CCSER1: variants seen among roughly 807,000 people sequenced by gnomAD.
The protein encoded by CCSER1 is coiled-coil serine rich protein 1.
A neutral mutation model predicts 82.0 loss-of-function variants in CCSER1; 41 were observed. The ratio of observed to expected loss-of-function variants is 0.50; its 90% CI spans 0.39 to 0.65. The LOEUF is 0.65. Among genes scored for constraint, CCSER1 ranks in the 30% least tolerant of loss-of-function variants. The probability of loss-of-function intolerance (pLI) is 0.00; values close to 1 mark genes in which losing one functional copy is unlikely to be tolerated. For synonymous variants in CCSER1, 414 were observed against 383.9 expected, an observed-to-expected ratio of 1.08 and a Z score of -0.92; for missense variants, 1,119 against 1,064.2, an observed-to-expected ratio of 1.05 and a Z score of -0.72.
chr4:91,092,526 C>T (rs775856208), intron 10 of CCSER1, among the ~76,000 whole-genome samples: 4 of 152,198 alleles, frequency 2.6e-5, no homozygotes, highest in South Asian at 4.1e-4. Context: ...ATTGTGCTGT[C>T]GACAGGTAAC....
chr4:90,447,675 A>T (rs1760843736), intron 4 of CCSER1, among the ~76,000 whole-genome samples: 4 of 152,214 alleles, frequency 2.6e-5, no homozygotes, highest in Admixed American at 6.5e-5. Flanking sequence ...TGTTGTGTGT[A>T]ATAAGCATCA....
chr4:90,924,469 CTA>C (rs1157890900), intron 9 of CCSER1, among the ~76,000 whole-genome samples: 3 of 151,610 alleles, frequency 2.0e-5, no homozygotes, highest in African/African-American at 7.3e-5. Flanking sequence ...AAAAACAACA[CTA>C]AAAAATATGA....
intron 1 of CCSER1, among the ~76,000 whole-genome samples, chr4:90,199,676 G>C (rs1327560617): frequency 1.3e-5 from 2 of 151,982 alleles, no homozygotes; most frequent in East Asian, 3.9e-4. Context: ...TAATTAATCT[G>C]GTATAATCCT....
At chr4:90,154,527 C>G (rs2153355354) in intron 1 of CCSER1, among the ~76,000 whole-genome samples, 1 of 150,782 alleles carries the variant, frequency 6.6e-6, no homozygotes, top group Non-Finnish European at 1.5e-5. Context: ...AATGTTCTTC[C>G]ATTTGTTTGT....
chr4:90,665,463 A>C (rs1731583753), intron 6 of CCSER1, among the ~76,000 whole-genome samples: 2 of 151,910 alleles, frequency 1.3e-5, no homozygotes, highest in Non-Finnish European at 2.9e-5. Flanking sequence ...CTGGGACTAC[A>C]GGCACCCGCC....
At chr4:90,327,023 A>G (rs1354114255) in intron 3 of CCSER1, among the ~76,000 whole-genome samples, 1 of 152,220 alleles carries the variant, frequency 6.6e-6, no homozygotes, top group Non-Finnish European at 1.5e-5. Context: ...CAGTATATAG[A>G]TAAACTGCCC....
chr4:91,163,236 T>G lies in CCSER1; in HGVS notation c.2217+77242T>G, dbSNP rs565899078. 5.3e-5 allele frequency among the ~76,000 whole-genome samples: 8 copies of G among 152,252 alleles called. No individual in the cohort carries two copies. The South Asian group carries it at 1.5e-3, about 28-fold the overall frequency. ...ATTGTTCAGTTTCCATGTACTTGAGTGGTTTTGAGTGAGTTTCTTAATCCT... is the reference window on the plus strand; with the variant it reads ...ATTGTTCAGTTTCCATGTACTTGAGGGGTTTTGAGTGAGTTTCTTAATCCT... On this transcript the variant is annotated intron_variant, in intron 10 of 10. Transcript: ENST00000509176.
At chr4:90,234,005 T>C (rs1745243693) in intron 1 of CCSER1, among the ~76,000 whole-genome samples, 2 of 152,168 alleles carry the variant, frequency 1.3e-5, no homozygotes, top group African/African-American at 4.8e-5. Context: ...CTTTTAAAAA[T>C]AAACATTTAA....
intron 1 of CCSER1, among the ~76,000 whole-genome samples, chr4:90,260,200 T>C (rs1724070029): frequency 6.6e-6 from 1 of 152,192 alleles, no homozygotes; most frequent in Non-Finnish European, 1.5e-5. Context: ...AAGAGGGTTG[T>C]ATATTTCTAA....
chr4:91,317,664 CTCATAACTGAAGT>C (rs1462568087), intron 10 of CCSER1, among the ~76,000 whole-genome samples: 2 of 151,648 alleles, frequency 1.3e-5, no homozygotes, highest in Non-Finnish European at 2.9e-5. Context: ...CTTACTGAAG[CTCATAACTGAAGT>C]GAACTTTATA....
intron 3 of CCSER1, among the ~76,000 whole-genome samples, chr4:90,397,365 T>C (rs1475396034): frequency 2.6e-5 from 4 of 152,222 alleles, no homozygotes; most frequent in Admixed American, 1.3e-4. Context: ...GAGATTTTAA[T>C]ATTTCCCTGT....
chr4:90,801,725 G>A (rs572872878), intron 7 of CCSER1, among the ~76,000 whole-genome samples: 16 of 151,978 alleles, frequency 1.1e-4, no homozygotes, highest in African/African-American at 3.9e-4. Flanking sequence ...CTTTGATCAT[G>A]GATATATTTT....
chr4:90,341,303 T>C (rs1741339412), intron 3 of CCSER1, among the ~76,000 whole-genome samples: 1 of 152,080 alleles, frequency 6.6e-6, no homozygotes, highest in African/African-American at 2.4e-5. Context: ...TATTATCTTC[T>C]TCCTAGATGA....
chr4:90,655,539 C>CA (rs1729550606), intron 6 of CCSER1, among the ~76,000 whole-genome samples: 1 of 152,004 alleles, frequency 6.6e-6, no homozygotes, highest in African/African-American at 2.4e-5. Context: ...CTCTCTTACT[C>CA]ACTGGCTCTT....
At chr4:90,565,845 C>T (rs1482614295) in intron 5 of CCSER1, among the ~76,000 whole-genome samples, 3 of 150,562 alleles carry the variant, frequency 2.0e-5, no homozygotes, top group Non-Finnish European at 4.4e-5. Context: ...CCTTTCATCA[C>T]TAGGATGAAT....
intron 6 of CCSER1, among the ~76,000 whole-genome samples, chr4:90,716,182 C>T (rs1257066419): frequency 6.6e-6 from 1 of 151,668 alleles, no homozygotes; most frequent in African/African-American, 2.4e-5. Context: ...AATTGGTGGC[C>T]TCTGGATGGC....
At chr4:91,362,319 G>A (rs1749304428) in intron 10 of CCSER1, among the ~76,000 whole-genome samples, 1 of 151,678 alleles carries the variant, frequency 6.6e-6, no homozygotes. Context: ...CATGTGAGTA[G>A]GAGTATGGGG....
At chr4:91,348,059 T>C (rs1282369058) in intron 10 of CCSER1, among the ~76,000 whole-genome samples, 2 of 152,146 alleles carry the variant, frequency 1.3e-5, no homozygotes, top group African/African-American at 4.8e-5. Context: ...TTCCTGATAT[T>C]AGCAGGAAAA....
At chr4:90,699,267 C>G (rs1433938481) in intron 6 of CCSER1, among the ~76,000 whole-genome samples, 5 of 151,988 alleles carry the variant, frequency 3.3e-5, no homozygotes, top group Non-Finnish European at 4.4e-5. Flanking sequence ...AGTTCAAGAC[C>G]AGGCTGGCGA....
Sources: allele counts gnomAD v4.1 joint callset (sites outside exome capture counted in the v4.1 genomes callset), GRCh38; gene constraint gnomAD v4.1.1; transcripts MANE v1.5; gene names NCBI Gene and HGNC (gene_info 2026-07-23, HGNC 2026-07-21).